The following L3MBTL3 variants were observed in gnomAD, a reference collection of about 807,000 sequenced individuals.
The protein encoded by L3MBTL3 is L3MBTL histone methyl-lysine binding protein 3, also known as lethal(3)malignant brain tumor-like protein 3.
In L3MBTL3, 27 loss-of-function variants were observed where a neutral mutation model predicts 102.3. The ratio of observed to expected loss-of-function variants is 0.26; its 90% confidence interval spans 0.19 to 0.36. The LOEUF is 0.36. Ranked by LOEUF, L3MBTL3 falls within the 10% of genes least tolerant of loss-of-function variation. The pLI is 1.00. For synonymous variants in L3MBTL3, 340 were observed against 320.9 expected, an observed-to-expected ratio of 1.06 and a Z score of -0.64; for missense variants, 798 against 955.3, an observed-to-expected ratio of 0.84 and a Z score of 2.17.
intron 19 of L3MBTL3, among the ~76,000 whole-genome samples, chr6:130,110,181 A>T (rs924147216): frequency 2.0e-5 from 3 of 151,712 alleles, no homozygotes; most frequent in African/African-American, 7.3e-5. Flanking sequence ...GGCTATATGG[A>T]CTCTTCTTTG....
chr6:130,086,086 A>G (rs879843450), intron 15 of L3MBTL3, 54 bp from the exon 16 acceptor site: 117 of 1,183,090 alleles, frequency 9.9e-5, no homozygotes, highest in Middle Eastern at 1.9e-4. Context: ...TGTAACATCA[A>G]GTTTACCTTC....
At chr6:130,079,189 T>C (rs1471944894) in intron 14 of L3MBTL3, among the ~76,000 whole-genome samples, 1 of 152,136 alleles carries the variant, frequency 6.6e-6, no homozygotes, top group Non-Finnish European at 1.5e-5. Context: ...AAGTGAGAAA[T>C]TGAGGCTTTA....
chr6:130,056,846 G>A (rs1185984967), intron 8 of L3MBTL3, among the ~76,000 whole-genome samples: 1 of 151,924 alleles, frequency 6.6e-6, no homozygotes, highest in East Asian at 1.9e-4. Flanking sequence ...CTTTCTCTCA[G>A]CTTTGCTACC....
chr6:130,027,671 C>G (rs2114509778), intron 2 of L3MBTL3, among the ~76,000 whole-genome samples: 1 of 152,020 alleles, frequency 6.6e-6, no homozygotes, highest in South Asian at 2.1e-4. Context: ...AAGTGTAAAT[C>G]TTAGCTTTAT....
At chr6:130,130,491 A>C (rs1786935090) in intron 20 of L3MBTL3, among the ~76,000 whole-genome samples, 1 of 152,210 alleles carries the variant, frequency 6.6e-6, no homozygotes, top group Admixed American at 6.5e-5. Context: ...ATATGTACAA[A>C]TATTGTATTT....
chr6:130,065,050 T>G (rs144771202), intron 10 of L3MBTL3, among the ~76,000 whole-genome samples: 46 of 127,802 alleles, frequency 3.6e-4, no homozygotes, highest in African/African-American at 1.1e-3. Context: ...TCCCAGGGAT[T>G]CCAGTCTCAG....
intron 20 of L3MBTL3, among the ~76,000 whole-genome samples, chr6:130,129,921 A>G (rs1477194159): frequency 6.6e-6 from 1 of 152,206 alleles, no homozygotes; most frequent in South Asian, 2.1e-4. Flanking sequence ...TTTCTTTGCA[A>G]TTCAAGGAAT....
intron 16 of L3MBTL3, among the ~76,000 whole-genome samples, chr6:130,088,481 C>T (rs905241324): frequency 1.3e-5 from 2 of 152,142 alleles, no homozygotes; most frequent in African/African-American, 4.8e-5. Context: ...TTAAGTTTTT[C>T]AGGGATAAAA....
At chr6:130,126,535 C>T (rs949816768) in intron 20 of L3MBTL3, among the ~76,000 whole-genome samples, 7 of 152,098 alleles carry the variant, frequency 4.6e-5, no homozygotes, top group African/African-American at 1.7e-4. Context: ...TCCTGAAACA[C>T]CAGAGGATGT....
chr6:130,038,692 G>C (rs368849085), intron 2 of L3MBTL3, among the ~76,000 whole-genome samples: 6 of 151,956 alleles, frequency 3.9e-5, no homozygotes, highest in African/African-American at 7.3e-5. Flanking sequence ...TGGATAGTTT[G>C]GAAATATCTT....
At chr6:130,122,066 C>T (rs542155798) in intron 20 of L3MBTL3, among the ~76,000 whole-genome samples, 1 of 152,244 alleles carries the variant, frequency 6.6e-6, no homozygotes, top group Non-Finnish European at 1.5e-5. Flanking sequence ...GTTGTAATAA[C>T]TGTTAGTCAT....
chr6:130,067,384 G>T (rs1782331938), intron 11 of L3MBTL3, among the ~76,000 whole-genome samples: 1 of 152,256 alleles, frequency 6.6e-6, no homozygotes, highest in African/African-American at 2.4e-5. Context: ...AAAGTGCTGG[G>T]ATTACAGGTG....
At chr6:130,039,197 C>T (rs1780255867) in intron 2 of L3MBTL3, among the ~76,000 whole-genome samples, 2 of 152,102 alleles carry the variant, frequency 1.3e-5, no homozygotes, top group South Asian at 4.1e-4. Flanking sequence ...ACTTCATCCG[C>T]TTATTAATTT....
chr6:130,108,244 T>TTTTTTTTTTTTTTTG (rs1785119741), intron 19 of L3MBTL3, among the ~76,000 whole-genome samples: 1 of 143,040 alleles, frequency 7.0e-6, no homozygotes. Context: ...TTTTTTTTTT[T>TTTTTTTTTTTTTTTG]TTTTTTTTTA....
chr6:130,049,381 A>G lies in L3MBTL3; in HGVS notation c.202A>G (p.Thr68Ala). 3.8e-6 allele frequency: 6 copies of G among 1,589,754 alleles called. No homozygotes were observed. The highest frequency in any genetic ancestry group is 5.2e-6 in the Non-Finnish European group (6 of 1,159,256). The change falls in exon 4 of 23, where the codon ACT becomes GCT. Residue 68 changes from threonine to alanine, a missense_variant. Thr to Ala is a moderately conservative substitution (Grantham distance 58). Coordinates refer to ENST00000361794, the MANE Select transcript of L3MBTL3 (RefSeq NM_032438.4). Reference sequence around the variant, plus strand: ...TGCTACCACCACTTGGATGGTACCAACTGCTCAAGAAGGTAAGGATGGGTC... The same window carrying G: ...TGCTACCACCACTTGGATGGTACCAGCTGCTCAAGAAGGTAAGGATGGGTC... ...ATATTTWMVP[T>A]AQEAPTSPPS...
chr6:130,098,930 C>G (rs1200098641), intron 18 of L3MBTL3, among the ~76,000 whole-genome samples: 1 of 142,550 alleles, frequency 7.0e-6, no homozygotes, highest in Non-Finnish European at 1.5e-5. Flanking sequence ...TGTGCGAGAA[C>G]TTAGAAAACT....
At chr6:130,070,684 C>A (rs1782569143) in intron 12 of L3MBTL3, among the ~76,000 whole-genome samples, 1 of 150,682 alleles carries the variant, frequency 6.6e-6, no homozygotes, top group South Asian at 2.1e-4. Flanking sequence ...CTAATTAAGG[C>A]ATCAAAACAC....
chr6:130,129,536 G>A (rs1438184154), intron 20 of L3MBTL3, among the ~76,000 whole-genome samples: 1 of 152,114 alleles, frequency 6.6e-6, no homozygotes, highest in East Asian at 1.9e-4. Flanking sequence ...TTCGCAGTCA[G>A]CCTAAAATAT....
At chr6:130,052,538 A>G (rs957720938) in intron 6 of L3MBTL3, among the ~76,000 whole-genome samples, 3 of 152,202 alleles carry the variant, frequency 2.0e-5, no homozygotes, top group South Asian at 2.1e-4. Context: ...TAAATAATCA[A>G]TTCTTTTATT....
Sources: allele counts gnomAD v4.1 joint callset (sites outside exome capture counted in the v4.1 genomes callset), GRCh38; gene constraint gnomAD v4.1.1; transcripts MANE v1.5; gene names NCBI Gene and HGNC (gene_info 2026-07-23, HGNC 2026-07-21).